AGBL4: variants seen among roughly 807,000 people sequenced by gnomAD.
The protein encoded by AGBL4 is cytosolic carboxypeptidase 6.
AGBL4 carries 58 observed loss-of-function variants against 66.4 expected under a neutral mutation model. The observed-to-expected ratio is 0.87, with a 90% CI of 0.71 to 1.09. The LOEUF (loss-of-function observed/expected upper bound fraction) is 1.09. Among genes scored for constraint, AGBL4 ranks in the 50% least tolerant of loss-of-function variants. AGBL4 has a pLI of 0.00. For synonymous variants in AGBL4, 234 were observed against 222.9 expected, an observed-to-expected ratio of 1.05 and a Z score of -0.44; for missense variants, 579 against 631.0, an observed-to-expected ratio of 0.92 and a Z score of 0.88.
chr1:49,800,368 CT>C (rs71572687), intron 2 of AGBL4, among the ~76,000 whole-genome samples: 2 of 147,436 alleles, frequency 1.4e-5, no homozygotes, highest in South Asian at 2.1e-4. Flanking sequence ...TTCTCATTTT[CT>C]TTTTTTTTAT....
At chr1:48,822,245 C>T (rs1055477993) in intron 6 of AGBL4, among the ~76,000 whole-genome samples, 5 of 152,118 alleles carry the variant, frequency 3.3e-5, no homozygotes, top group Non-Finnish European at 7.4e-5. Context: ...ATGATGATAG[C>T]ATATTTTTCC....
chr1:48,757,912 T>C (rs1268165637), intron 6 of AGBL4, among the ~76,000 whole-genome samples: 1 of 152,196 alleles, frequency 6.6e-6, no homozygotes, highest in Non-Finnish European at 1.5e-5. Context: ...AAAGAACTTG[T>C]GTTATACCGA....
intron 1 of AGBL4, among the ~76,000 whole-genome samples, chr1:49,860,528 T>C (rs982271471): frequency 5.9e-5 from 9 of 152,028 alleles, no homozygotes; most frequent in African/African-American, 1.7e-4. Context: ...CAAAACTGCA[T>C]CTCAACGAAA....
intron 2 of AGBL4, among the ~76,000 whole-genome samples, chr1:49,741,635 G>A (rs188135140): frequency 3.9e-5 from 6 of 152,186 alleles, no homozygotes; most frequent in East Asian, 1.9e-4. Flanking sequence ...GATGAACATC[G>A]ATGCAAAAAT....
chr1:49,699,092 G>A (rs1647039821), intron 2 of AGBL4, among the ~76,000 whole-genome samples: 1 of 151,998 alleles, frequency 6.6e-6, no homozygotes, highest in Non-Finnish European at 1.5e-5. Flanking sequence ...TTTTCTTTCA[G>A]AATCTACCAT....
chr1:49,545,777 A>T (rs1180953826), intron 3 of AGBL4, among the ~76,000 whole-genome samples: 2 of 152,234 alleles, frequency 1.3e-5, no homozygotes, highest in Admixed American at 1.3e-4. Flanking sequence ...TCTACTATCA[A>T]ATAAAAGCAA....
At chr1:49,979,041 AT>A (rs1658828558) in intron 1 of AGBL4, among the ~76,000 whole-genome samples, 2 of 152,230 alleles carry the variant, frequency 1.3e-5, no homozygotes, top group African/African-American at 2.4e-5. Context: ...GGCCTAGAAT[AT>A]TTTTTAAATT....
chr1:49,664,951 A>G (rs1470735132), intron 3 of AGBL4, among the ~76,000 whole-genome samples: 2 of 152,136 alleles, frequency 1.3e-5, no homozygotes, highest in African/African-American at 4.8e-5. Context: ...CACGGTAAAT[A>G]TTTCAGTGAA....
intron 4 of AGBL4, among the ~76,000 whole-genome samples, chr1:49,052,748 C>T (rs80010406): frequency 0.043 from 6,586 of 152,132 alleles, 175 homozygotes; most frequent in East Asian, 0.073. Flanking sequence ...GACTGGGATC[C>T]CCTTGTCACC....
At chr1:49,155,789 T>C (rs1391429993) in intron 4 of AGBL4, among the ~76,000 whole-genome samples, 1 of 152,200 alleles carries the variant, frequency 6.6e-6, no homozygotes, top group Non-Finnish European at 1.5e-5. Flanking sequence ...TATTCCTGAA[T>C]GTGGTCTTGG....
chr1:49,799,421 A>G (rs2147944690), intron 2 of AGBL4, among the ~76,000 whole-genome samples: 1 of 152,346 alleles, frequency 6.6e-6, no homozygotes, highest in South Asian at 2.1e-4. Flanking sequence ...TAACTGGTAC[A>G]CTTATTGTAT....
chr1:49,832,018 T>C, intron 2 of AGBL4, among the ~76,000 whole-genome samples: 1 of 151,992 alleles, frequency 6.6e-6, no homozygotes. Flanking sequence ...TATTATACTT[T>C]AACTTTTAGG....
intron 3 of AGBL4, among the ~76,000 whole-genome samples, chr1:49,317,147 A>T (rs1031945324): frequency 8.6e-5 from 13 of 151,916 alleles, no homozygotes; most frequent in African/African-American, 3.1e-4. Context: ...ATGTATTTTT[A>T]AATTGGGTTA....
intron 9 of AGBL4, among the ~76,000 whole-genome samples, chr1:48,617,940 C>T (rs1489032409): frequency 1.3e-5 from 2 of 152,174 alleles, no homozygotes; most frequent in African/African-American, 4.8e-5. Context: ...ACTCCTGTTC[C>T]TCTCTGCCTC....
At chr1:49,935,732 G>C (rs886390467) in intron 1 of AGBL4, among the ~76,000 whole-genome samples, 1 of 152,186 alleles carries the variant, frequency 6.6e-6, no homozygotes, top group Admixed American at 6.5e-5. Flanking sequence ...AACAGGGTCT[G>C]GAGTGGACCT....
intron 5 of AGBL4, among the ~76,000 whole-genome samples, chr1:48,912,337 T>C (rs1229236654): frequency 1.3e-5 from 2 of 152,184 alleles, no homozygotes; most frequent in East Asian, 3.8e-4. Context: ...CTCATCCCAT[T>C]GAGCACAAGC....
At chr1:49,477,533 G>A (rs189815230) in intron 3 of AGBL4, among the ~76,000 whole-genome samples, 16 of 152,228 alleles carry the variant, frequency 1.1e-4, no homozygotes, top group African/African-American at 3.6e-4. Flanking sequence ...GCCCCCTAAT[G>A]TGGATACAAC....
chr1:49,085,644 T>TAGAG (rs1557628383), intron 4 of AGBL4, among the ~76,000 whole-genome samples: 1 of 151,068 alleles, frequency 6.6e-6, no homozygotes, highest in Non-Finnish European at 1.5e-5. Flanking sequence ...CAGTGGGGCA[T>TAGAG]AGAGAGCAGA....
intron 2 of AGBL4, chr1:49,844,966 C>A: frequency 7.3e-7 from 1 of 1,372,124 alleles, no homozygotes; most frequent in Non-Finnish European, 1.0e-6. Context: ...TTTCCTACAT[C>A]AACCAATGAC....
Sources: allele counts gnomAD v4.1 joint callset (sites outside exome capture counted in the v4.1 genomes callset), GRCh38; gene constraint gnomAD v4.1.1; transcripts MANE v1.5; gene names NCBI Gene and HGNC (gene_info 2026-07-23, HGNC 2026-07-21).